Variants in TSPAN9 observed in about 807,000 individuals in gnomAD.
The protein encoded by TSPAN9 is tetraspanin-9.
A neutral mutation model predicts 31.0 loss-of-function variants in TSPAN9; 16 were observed. The ratio of observed to expected loss-of-function variants is 0.52; its 90% CI spans 0.35 to 0.78. The LOEUF is 0.78. Among genes scored for constraint, TSPAN9 ranks in the 30% least tolerant of loss-of-function variants. The pLI is 0.01. For missense variants in TSPAN9, 272 were observed against 312.5 expected (o/e 0.87, Z 0.98); for synonymous variants, 145 against 121.6 (o/e 1.19, Z -1.27).
chr12:3,211,982 T>A, intron 3 of TSPAN9: 1 of 931,620 alleles, frequency 1.1e-6, no homozygotes, highest in Non-Finnish European at 1.7e-6. Context: ...TTCTTTCTTT[T>A]ATTTTTTGAG....
In TSPAN9 at chr12:3,278,594, C is replaced by T. The variant is rs200257883; in HGVS notation, c.237C>T (p.Asn79=). Residue 79 remains asparagine (N), a synonymous_variant, in exon 4 of 9, where the codon AAC becomes AAT. Coordinates refer to ENST00000011898, the MANE Select transcript of TSPAN9 (RefSeq NM_006675.5). Reference sequence around the variant, plus strand: ...GCTGCCTGGGGGCCATCAAGGAAAACAAGTGCCTCCTCCTCAGCGTAAGTT... The same window carrying T: ...GCTGCCTGGGGGCCATCAAGGAAAATAAGTGCCTCCTCCTCAGCGTAAGTT... ...FLGCLGAIKE[N]KCLLLSFFIV... is the part of the protein sequence containing the mutation. The T allele has an allele frequency of 2.0e-5, 33 of 1,614,094 alleles. No homozygotes were observed. The highest frequency in any genetic ancestry group is 1.6e-4 in the Middle Eastern group (1 of 6,062).
chr12:3,079,068 G>A (rs1482753135), intron 1 of TSPAN9, among the ~76,000 whole-genome samples: 1 of 150,108 alleles, frequency 6.7e-6, no homozygotes, highest in African/African-American at 2.5e-5. Flanking sequence ...CAACCCCCGC[G>A]TCCCAGGTTC....
At chr12:3,106,710 G>T (rs1198520538) in intron 2 of TSPAN9, among the ~76,000 whole-genome samples, 4 of 152,194 alleles carry the variant, frequency 2.6e-5, no homozygotes. Flanking sequence ...GTTCGAGTCT[G>T]CAGTGAGCCG....
intron 2 of TSPAN9, among the ~76,000 whole-genome samples, chr12:3,105,633 G>A (rs1023565786): frequency 1.3e-5 from 2 of 152,026 alleles, no homozygotes; most frequent in African/African-American, 4.8e-5. Context: ...GTGCTTTGGT[G>A]TCTGAATCCC....
At chr12:3,251,583 T>G (rs922201320) in intron 3 of TSPAN9, among the ~76,000 whole-genome samples, 1 of 151,076 alleles carries the variant, frequency 6.6e-6, no homozygotes, top group Non-Finnish European at 1.5e-5. Context: ...CATCTAGAGA[T>G]AACCACCGTT....
chr12:3,090,097 T>C (rs2098303466), intron 2 of TSPAN9, among the ~76,000 whole-genome samples: 1 of 152,216 alleles, frequency 6.6e-6, no homozygotes, highest in Admixed American at 6.5e-5. Flanking sequence ...TAGACTAGCA[T>C]CCAGCCGTCC....
rs1591680272 is a variant in TSPAN9, at chr12:3,211,825, G to A, written c.63+10569G>A. ...ATCCTGGGCATTTCACATCCATGAA[G>A]TAGGAATTGGGGCTCTGCACCAGGC... On this transcript the variant is annotated intron_variant, in intron 3 of 8. Coordinates refer to ENST00000011898, the MANE Select transcript of TSPAN9 (RefSeq NM_006675.5). 1.9e-6 allele frequency: 3 copies of A among 1,592,506 alleles called. No homozygotes were observed. The South Asian group carries it at 3.3e-5, about 18-fold the overall frequency.
chr12:3,106,882 G>T (rs2098314972), intron 2 of TSPAN9, among the ~76,000 whole-genome samples: 1 of 152,166 alleles, frequency 6.6e-6, no homozygotes, highest in Admixed American at 6.5e-5. Context: ...TGTCTTCACC[G>T]ACCTTGAATA....
chr12:3,199,984 C>G (rs928265282), intron 2 of TSPAN9: 1 of 152,372 alleles, frequency 6.6e-6, no homozygotes, highest in African/African-American at 2.4e-5. Flanking sequence ...GCTTCTGTCC[C>G]CCTCCAGTCC....
intron 3 of TSPAN9, among the ~76,000 whole-genome samples, chr12:3,212,939 G>A (rs539354631): frequency 2.6e-5 from 4 of 152,168 alleles, no homozygotes; most frequent in South Asian, 2.1e-4. Context: ...ATGCCTATCC[G>A]GTGAAGGGAT....
At chr12:3,182,081 T>C (rs552164723) in intron 2 of TSPAN9, among the ~76,000 whole-genome samples, 106 of 152,010 alleles carry the variant, frequency 7.0e-4, no homozygotes, top group Non-Finnish European at 1.4e-3. Context: ...TTTGGCAAGT[T>C]GGGGCTGGTG....
intron 3 of TSPAN9, among the ~76,000 whole-genome samples, chr12:3,228,059 A>C (rs1055851234): frequency 1.3e-5 from 2 of 152,184 alleles, no homozygotes; most frequent in Non-Finnish European, 2.9e-5. Flanking sequence ...TGTATTAAAA[A>C]AATCCTTGGC....
intron 3 of TSPAN9, among the ~76,000 whole-genome samples, chr12:3,207,544 C>T (rs898002030): frequency 2.7e-4 from 41 of 152,130 alleles, no homozygotes; most frequent in African/African-American, 9.4e-4. Context: ...TAACTCGACT[C>T]TTTAACCAGC....
chr12:3,200,847 A>C, intron 2 of TSPAN9: 1 of 218,422 alleles, frequency 4.6e-6, no homozygotes, highest in Non-Finnish European at 8.9e-6. Context: ...CCCGCGCCCG[A>C]CTTGGGCGCC....
rs2098315382 is a variant in TSPAN9 at position 3,107,714 on chromosome 12, C to T, written c.-18+23995C>T. The stretch of plus-strand genomic sequence containing the variant: ...TGCTTCAGTGTCCTCATTCTTCAGG[C>T]TCAGATGGGCTGTATTTTATTTATT... On this transcript the variant is annotated intron_variant, in intron 2 of 8. Transcript: ENST00000011898. This position sits in a 1 kb window ranked among gnomAD's most constrained non-coding sequence, Gnocchi z 4.1. Among the ~76,000 whole-genome samples the T allele has an allele frequency of 6.6e-6, 1 of 152,236 alleles. No homozygotes were observed. Among genetic ancestry groups the T allele is most frequent in the Non-Finnish European group, 1.5e-5 (1 of 68,044 alleles).
At chr12:3,278,897 C>T in intron 4 of TSPAN9, 95 bp from the exon 5 acceptor site, 1 of 1,359,598 alleles carries the variant, frequency 7.4e-7, no homozygotes, top group Non-Finnish European at 1.0e-6. Context: ...CCTGGGAAGC[C>T]CCACCTAGGC....
chr12:3,200,505 C>G (rs2098370864), intron 2 of TSPAN9: 1 of 152,438 alleles, frequency 6.6e-6, no homozygotes, highest in Non-Finnish European at 1.5e-5. Context: ...TGGGGCTGGG[C>G]TGGGCTGGGA....
rs2098393872 is a variant in TSPAN9 at position 3,236,605 on chromosome 12, TG to T, written c.63+35351del. On this transcript the variant is annotated intron_variant, in intron 3 of 8. Transcript: ENST00000011898. ...CCGGATCTGAGTCTCACCCAGCCCG[TG>T]GAATTTGCTGAGAGACTGCGGCTTT... Among the ~76,000 whole-genome samples, 3 of 152,174 alleles carry T rather than the reference TG, an allele frequency of 2.0e-5. No individual in the cohort carries two copies. In the South Asian group the frequency reaches 6.3e-4, roughly 32 times the overall value.
Position 3,183,995 on chromosome 12 carries a change from A to T in TSPAN9, c.-17-17182A>T, listed in dbSNP as rs114592102. Reference sequence around the variant, plus strand: ...TCATTGCTTCTACAGTTATAATAGAAATGTCCAGAAGGGTCTGGATTGATT... The same window carrying T: ...TCATTGCTTCTACAGTTATAATAGATATGTCCAGAAGGGTCTGGATTGATT... On this transcript the variant is annotated intron_variant, in intron 2 of 8. Transcript: ENST00000011898. Among the ~76,000 whole-genome samples, 133 of 152,292 alleles carry T rather than the reference A, an allele frequency of 8.7e-4. 1 individual carries two copies. The highest frequency in any genetic ancestry group is 3.2e-3 in the African/African-American group (131 of 41,548).
Sources: allele counts gnomAD v4.1 joint callset (sites outside exome capture counted in the v4.1 genomes callset), GRCh38; gene constraint gnomAD v4.1.1; non-coding constraint Gnocchi (gnomAD v3.1); transcripts MANE v1.5; gene names NCBI Gene and HGNC (gene_info 2026-07-23, HGNC 2026-07-21).